TTC7B: variants seen among roughly 807,000 people sequenced by gnomAD.
The protein encoded by TTC7B is tetratricopeptide repeat domain 7B.
A neutral mutation model predicts 106.8 loss-of-function variants in TTC7B; 28 were observed. That is an observed-to-expected ratio of 0.26 (90% confidence interval 0.19 to 0.36). The LOEUF (loss-of-function observed/expected upper bound fraction) is 0.36, where lower values mean the gene tolerates loss of function less well. Among genes scored for constraint, TTC7B ranks in the 10% least tolerant of loss-of-function variants. The pLI is 1.00. For synonymous variants in TTC7B, 405 were observed against 430.6 expected (o/e 0.94, Z 0.74); for missense variants, 862 against 1,076.4 (o/e 0.80, Z 2.79).
At chr14:90,597,550 C>G (rs1162359797) in intron 17 of TTC7B, among the ~76,000 whole-genome samples, 1 of 151,960 alleles carries the variant, frequency 6.6e-6, no homozygotes, top group Non-Finnish European at 1.5e-5. Context: ...CCCAGCTACT[C>G]AGGAGGCTGA....
intron 1 of TTC7B, among the ~76,000 whole-genome samples, chr14:90,806,521 A>G (rs2030621337): frequency 6.6e-6 from 1 of 152,160 alleles, no homozygotes. Context: ...TTCCACACAC[A>G]AGACTCCTGA....
At chr14:90,592,897 G>T (rs946972512) in intron 18 of TTC7B, among the ~76,000 whole-genome samples, 3 of 152,108 alleles carry the variant, frequency 2.0e-5, no homozygotes, top group Admixed American at 1.3e-4. Context: ...TCAGAGAGGG[G>T]CAGAGGAGCA....
At chr14:90,806,967 G>C (rs1312527227) in intron 1 of TTC7B, among the ~76,000 whole-genome samples, 1 of 151,996 alleles carries the variant, frequency 6.6e-6, no homozygotes, top group Non-Finnish European at 1.5e-5. Context: ...GGCCAGACAA[G>C]CAGGAAGTGA....
At chr14:90,552,667 G>A (rs1179555497) in intron 19 of TTC7B, among the ~76,000 whole-genome samples, 1 of 152,212 alleles carries the variant, frequency 6.6e-6, no homozygotes, top group Admixed American at 6.5e-5. Context: ...CTGCAGTGTG[G>A]CTCCTGGGGA....
At chr14:90,780,429 A>AAGAAAGAG (rs1891174049) in intron 3 of TTC7B, among the ~76,000 whole-genome samples, 1 of 124,814 alleles carries the variant, frequency 8.0e-6, no homozygotes, top group Non-Finnish European at 1.6e-5. Context: ...GAAAGAAAGA[A>AAGAAAGAG]AGAGAGAGAG....
chr14:90,696,549 C>T (rs571493974), intron 5 of TTC7B, among the ~76,000 whole-genome samples: 18 of 152,266 alleles, frequency 1.2e-4, no homozygotes, highest in East Asian at 7.7e-4. Context: ...TCTTCTTGGA[C>T]GACATTTTGA....
chr14:90,765,102 G>T (rs771606417), intron 3 of TTC7B, among the ~76,000 whole-genome samples: 1 of 152,120 alleles, frequency 6.6e-6, no homozygotes, highest in Non-Finnish European at 1.5e-5. Flanking sequence ...ATGCAAAATG[G>T]TATATCCATA....
intron 18 of TTC7B, among the ~76,000 whole-genome samples, chr14:90,587,182 C>T (rs1372416302): frequency 2.0e-5 from 3 of 152,164 alleles, no homozygotes; most frequent in Non-Finnish European, 4.4e-5. Flanking sequence ...GCTATGTTGC[C>T]CAGGCCGGAC....
At chr14:90,655,826 C>T (rs1455269752) in intron 11 of TTC7B, among the ~76,000 whole-genome samples, 1 of 151,162 alleles carries the variant, frequency 6.6e-6, no homozygotes, top group Non-Finnish European at 1.5e-5. Context: ...AATAAAAATG[C>T]AAGAAAAAAT....
intron 4 of TTC7B, among the ~76,000 whole-genome samples, chr14:90,740,120 T>C (rs539502603): frequency 1.3e-5 from 2 of 152,336 alleles, no homozygotes; most frequent in South Asian, 4.1e-4. Flanking sequence ...GACTCTGATA[T>C]AACAAGGACA....
rs1398147118 is a variant in TTC7B at position 90,539,949 on chromosome 14, C to T, written c.*1419G>A. 6.6e-6 allele frequency: 1 copy of T among 152,302 alleles called. No individual in the cohort carries two copies. Among genetic ancestry groups the T allele is most frequent in the African/African-American group, 2.4e-5 (1 of 41,468 alleles). 9.4% of individuals were successfully genotyped at this position (152,302 alleles called of 1,614,324 possible). A position where few individuals can be genotyped will look rare whatever the true frequency, so the allele number is the denominator to read the frequency against. ...CTTTAGGTCACATGCTCACTCCTGA[C>T]CCTCTGTGGCCCATGAGTGCAGGAG... On this transcript the variant is annotated 3_prime_UTR_variant, in exon 20 of 20. Coordinates refer to ENST00000328459, the MANE Select transcript of TTC7B (RefSeq NM_001010854.2).
intron 19 of TTC7B, among the ~76,000 whole-genome samples, chr14:90,547,384 C>T (rs1032206163): frequency 1.3e-5 from 2 of 152,270 alleles, no homozygotes; most frequent in Admixed American, 6.5e-5. Flanking sequence ...TCAAGGGCGC[C>T]TGTGCCAGAG....
At chr14:90,553,094 G>A (rs1364014715) in intron 19 of TTC7B, among the ~76,000 whole-genome samples, 4 of 152,154 alleles carry the variant, frequency 2.6e-5, no homozygotes, top group Non-Finnish European at 5.9e-5. Context: ...GGAGTGTGCC[G>A]AGTATTCCAG....
chr14:90,643,980 G>T, intron 15 of TTC7B, 68 bp downstream of exon 15: 1 of 1,579,706 alleles, frequency 6.3e-7, no homozygotes, highest in Non-Finnish European at 8.7e-7. Flanking sequence ...AGATTGGAAA[G>T]AAGGCAGGGG....
Position 90,777,104 on chromosome 14 carries a change from A to T in TTC7B, c.445+3634T>A, listed in dbSNP as rs537723715. Among the ~76,000 whole-genome samples the T allele has an allele frequency of 4.6e-5, 7 of 152,238 alleles. No individual in the cohort carries two copies. In the South Asian group the frequency reaches 1.4e-3, roughly 32 times the overall value. ...AAAATACAAAAATTAGCCAGGTGTGATAGTGCACACCTGTAATCCCAACTA... is the reference window on the plus strand; with the variant it reads ...AAAATACAAAAATTAGCCAGGTGTGTTAGTGCACACCTGTAATCCCAACTA... On this transcript the variant is annotated intron_variant, in intron 3 of 19. Coordinates refer to ENST00000328459, the MANE Select transcript of TTC7B (RefSeq NM_001010854.2).
intron 15 of TTC7B, among the ~76,000 whole-genome samples, chr14:90,638,263 G>T (rs1336643021): frequency 6.6e-6 from 1 of 151,856 alleles, no homozygotes; most frequent in Non-Finnish European, 1.5e-5. Context: ...AGTAAGACAA[G>T]TTAAAAAAAT....
At chr14:90,594,787 T>C (rs150870148) in intron 17 of TTC7B, among the ~76,000 whole-genome samples, 1 of 152,312 alleles carries the variant, frequency 6.6e-6, no homozygotes, top group Admixed American at 6.5e-5. Flanking sequence ...CAGTTGCGCT[T>C]TGGAATGTAC....
intron 17 of TTC7B, chr14:90,602,006 C>T (rs1892443987): frequency 2.5e-6 from 1 of 401,824 alleles, no homozygotes; most frequent in African/African-American, 2.1e-5. Flanking sequence ...CAACACATAC[C>T]TCTTTTCTAT....
At chr14:90,629,427 C>A (rs1186302503) in intron 15 of TTC7B, among the ~76,000 whole-genome samples, 1 of 152,152 alleles carries the variant, frequency 6.6e-6, no homozygotes, top group Non-Finnish European at 1.5e-5. Flanking sequence ...GACAGTGAAA[C>A]TTGGCAGAGT....
Sources: allele counts gnomAD v4.1 joint callset (sites outside exome capture counted in the v4.1 genomes callset), GRCh38; gene constraint gnomAD v4.1.1; transcripts MANE v1.5; gene names NCBI Gene and HGNC (gene_info 2026-07-23, HGNC 2026-07-21).